The following H1-3 variants were observed in gnomAD, a reference collection of about 807,000 sequenced individuals.
The protein encoded by H1-3 is histone H1.3.
Under a neutral mutation model 3.6 loss-of-function variants are expected in H1-3, and 4 were observed. The ratio of observed to expected loss-of-function variants is 1.12; its 90% CI spans 0.55 to 2.57. The LOEUF (loss-of-function observed/expected upper bound fraction) is 2.57. Ranked by LOEUF, H1-3 falls within the 30% of genes most tolerant of loss-of-function variation. The pLI is 0.02. For missense variants in H1-3, 670 were observed against 274.3 expected (o/e 2.44, Z -10.19); for synonymous variants, 266 against 110.0 (o/e 2.42, Z -8.87).
At position 26,234,751 on chromosome 6, in the gene H1-3, G is replaced by A. The variant is rs368646122; in HGVS notation, c.183C>T (p.Ala61=). Residue 61 remains alanine (A), a synonymous_variant, in exon 1 of 1, where the codon GCC becomes GCT. Coordinates refer to ENST00000244534, the MANE Select transcript of H1-3 (RefSeq NM_005320.3). ...ASKERSGVSL[A]ALKKALAAAG... ...CAGCCGCAAGCGCTTTCTTAAGCGC[G>A]GCCAGAGAAACGCCGCTGCGCTCCT... 1.5e-5 allele frequency: 25 copies of A among 1,614,014 alleles called. No homozygotes were observed. The highest frequency in any genetic ancestry group is 2.7e-5 in the African/African-American group (2 of 74,922).
Position 26,234,717 on chromosome 6 carries a change from C to T in H1-3, c.217G>A (p.Asp73Asn), listed in dbSNP as rs1266069764. The change falls in exon 1 of 1, where the codon GAT becomes AAT. Residue 73 changes from aspartate to asparagine, a missense_variant. Transcript: ENST00000244534. ...ATACGGCTGTTGTTTTTTTCTACAT[C>T]GTAGCCAGCAGCCGCAAGCGCTTTC... is the stretch of plus-strand genomic sequence containing the variant. The part of the protein sequence containing the change: ...LKKALAAAGY[D>N]VEKNNSRIKL... 2 of 1,613,540 alleles carry T rather than the reference C, an allele frequency of 1.2e-6. No homozygotes were observed. The highest frequency in any genetic ancestry group is 1.7e-6 in the Non-Finnish European group (2 of 1,179,872).
rs752873353 is a variant in H1-3, at chr6:26,234,378, C to G, written c.556G>C (p.Ala186Pro). 3 of 1,594,832 alleles carry G rather than the reference C, an allele frequency of 1.9e-6. No homozygotes were observed. The highest frequency in any genetic ancestry group is 3.4e-5 in the Admixed American group (2 of 59,696). ...KKVKTPQPKK[A>P]AKSPAKAKAP... ...TTGGCCTTAGCTGGACTCTTGGCAG[C>G]TTTTTTTGGCTGAGGTGTTTTCACC... The change falls in exon 1 of 1, where the codon GCT becomes CCT. Residue 186 changes from alanine (A) to proline (P), a missense_variant. Transcript: ENST00000244534.
rs1442181422 is a variant in H1-3, at chr6:26,234,629, G to A, written c.305C>T (p.Ala102Val). Residue 102 changes from alanine to valine, a missense_variant, in exon 1 of 1, where the codon GCT becomes GTT. By Grantham distance (64) the Ala-to-Val change is moderately conservative. Coordinates refer to ENST00000244534, the MANE Select transcript of H1-3 (RefSeq NM_005320.3). ...CTTGTTGAGTTTGAAGGAGCCAGAA[G>A]CACCGGTACCTTTGGTCTGCACCAG... Reference protein sequence around the residue: ...GTLVQTKGTGASGSFKLNKKA... With the variant: ...GTLVQTKGTGVSGSFKLNKKA... The A allele has an allele frequency of 3.1e-6, 5 of 1,614,148 alleles. No individual in the cohort carries two copies. Among genetic ancestry groups the A allele is most frequent in the Non-Finnish European group, 2.5e-6 (3 of 1,180,010 alleles).
rs761671533 is a variant in H1-3 at position 26,234,338 on chromosome 6, T to G, written c.596A>C (p.Lys199Thr). The change falls in exon 1 of 1, where the codon AAG becomes ACG. Residue 199 changes from lysine (K) to threonine (T), a missense_variant. Physicochemically the swap from Lys to Thr is moderately conservative, Grantham distance 78 (BLOSUM62 -1). Coordinates refer to ENST00000244534, the MANE Select transcript of H1-3 (RefSeq NM_005320.3). ...CTTCCCCGACTTAGGCTTGGCCGCC[T>G]TGGGCTTAGGGGCTTTGGCCTTAGC... ...SPAKAKAPKPKAAKPKSGKPK... is the reference protein window; with the variant it reads ...SPAKAKAPKPTAAKPKSGKPK... The G allele has an allele frequency of 5.0e-6, 8 of 1,614,120 alleles. No homozygotes were observed. The highest frequency in any genetic ancestry group is 1.3e-5 in the African/African-American group (1 of 75,044).
rs767608650 is a variant in H1-3 at position 26,234,955 on chromosome 6, A to T, written c.-22T>A. ...ACATGTTTTTGTCTTCCCAGAAAAG[A>T]CAATAAGTAATCTCAAACTGTCAGA... On this transcript the variant is annotated 5_prime_UTR_variant, in exon 1 of 1. Coordinates refer to ENST00000244534, the MANE Select transcript of H1-3 (RefSeq NM_005320.3). The T allele has an allele frequency of 1.5e-5, 23 of 1,575,592 alleles. No individual in the cohort carries two copies. Among genetic ancestry groups the T allele is most frequent in the Non-Finnish European group, 2.0e-5 (23 of 1,164,122 alleles).
Position 26,234,285 on chromosome 6 carries a change from C to A in H1-3, c.649G>T (p.Ala217Ser), listed in dbSNP as rs756228409. ...CGCCAGTTTCACTTTTTCTTCGGAG[C>A]TGCCTTCTTTGCCTTTGTAACCTTC... Reference protein sequence around the residue: ...KPKVTKAKKAAPKKK With the variant: ...KPKVTKAKKASPKKK The change falls in exon 1 of 1, where the codon GCT becomes TCT. Residue 217 changes from alanine (A) to serine (S), a missense_variant. Transcript: ENST00000244534. 26 of 1,595,310 alleles carry A rather than the reference C, an allele frequency of 1.6e-5. No homozygotes were observed. The highest frequency in any genetic ancestry group is 8.5e-7 in the Non-Finnish European group (1 of 1,174,538).
At position 26,234,797 on chromosome 6, in the gene H1-3, G is replaced by A. The variant is rs375359922; in HGVS notation, c.137C>T (p.Thr46Ile). Residue 46 changes from threonine (T) to isoleucine (I), a missense_variant, in exon 1 of 1, where the codon ACC becomes ATC. Thr to Ile is a moderately conservative substitution (Grantham distance 89). Coordinates refer to ENST00000244534, the MANE Select transcript of H1-3 (RefSeq NM_005320.3). ...ASGPPVSELI[T>I]KAVAASKERS... ...CTCCTTAGAAGCTGCCACTGCCTTG[G>A]TGATAAGCTCAGATACTGGGGGTCC... is the stretch of plus-strand genomic sequence containing the variant. 5 of 1,614,104 alleles carry A rather than the reference G, an allele frequency of 3.1e-6. No individual in the cohort carries two copies. Among genetic ancestry groups the A allele is most frequent in the East Asian group, 2.2e-5 (1 of 44,892 alleles).
chr6:26,234,894 G>T lies in H1-3; in HGVS notation c.40C>A (p.Pro14Thr). 1 of 1,612,578 alleles carries T rather than the reference G, an allele frequency of 6.2e-7. No individual in the cohort carries two copies. Among genetic ancestry groups the T allele is most frequent in the Non-Finnish European group, 8.5e-7 (1 of 1,179,560 alleles). ...TTCTTCACAGGTGTTTTTTCTGCGG[G>T]TGCAGGAATGGTAGGAGCAAGTGGA... ...TAPLAPTIPA[P>T]AEKTPVKKKA... The change falls in exon 1 of 1, where the codon CCC becomes ACC. Residue 14 changes from proline (P) to threonine (T), a missense_variant. Coordinates refer to ENST00000244534, the MANE Select transcript of H1-3 (RefSeq NM_005320.3).
In H1-3 at chr6:26,234,328, C is replaced by A; in HGVS notation, c.606G>T (p.Lys202Asn). The part of the protein sequence containing the change: ...KAKAPKPKAA[K>N]PKSGKPKVTK... ...TAACCTTCGGCTTCCCCGACTTAGG[C>A]TTGGCCGCCTTGGGCTTAGGGGCTT... The change falls in exon 1 of 1, where the codon AAG (lysine) becomes AAT (asparagine). Residue 202 changes from lysine (K) to asparagine (N), a missense_variant. Lys to Asn is a moderately conservative substitution (Grantham distance 94). Coordinates refer to ENST00000244534, the MANE Select transcript of H1-3 (RefSeq NM_005320.3). 1 of 1,613,748 alleles carries A rather than the reference C, an allele frequency of 6.2e-7. No homozygotes were observed. Among genetic ancestry groups the A allele is most frequent in the Non-Finnish European group, 8.5e-7 (1 of 1,179,918 alleles).
chr6:26,234,779 G>C lies in H1-3; in HGVS notation c.155C>G (p.Ser52Cys). ...SELITKAVAA[S>C]KERSGVSLAA... ...CAGAGAAACGCCGCTGCGCTCCTTA[G>C]AAGCTGCCACTGCCTTGGTGATAAG... The change falls in exon 1 of 1, where the codon TCT becomes TGT. Residue 52 changes from serine to cysteine, a missense_variant. Transcript: ENST00000244534. 6.2e-7 allele frequency: 1 copy of C among 1,614,240 alleles called. No individual in the cohort carries two copies. The highest frequency in any genetic ancestry group is 1.1e-5 in the South Asian group (1 of 91,088).
rs754685755 is a variant in H1-3, at chr6:26,234,501, C to T, written c.433G>A (p.Ala145Thr). ...AAKKPKKVAG[A>T]ATPKKSIKKT... ...TTGATGCTTTTCTTCGGGGTAGCGG[C>T]GCCAGCCACCTTCTTGGGCTTCTTG... The change falls in exon 1 of 1, where the codon GCC (alanine) becomes ACC (threonine). Residue 145 changes from alanine (A) to threonine (T), a missense_variant. Coordinates refer to ENST00000244534, the MANE Select transcript of H1-3 (RefSeq NM_005320.3). 5.6e-6 allele frequency: 9 copies of T among 1,613,860 alleles called. No homozygotes were observed. In the East Asian group the frequency reaches 1.1e-4, roughly 20 times the overall value.
At position 26,234,969 on chromosome 6, in the gene H1-3, C is replaced by T. The variant is rs779975489; in HGVS notation, c.-36G>A. On this transcript the variant is annotated 5_prime_UTR_variant, in exon 1 of 1. Coordinates refer to ENST00000244534, the MANE Select transcript of H1-3 (RefSeq NM_005320.3). ...TCCCAGAAAAGACAATAAGTAATCT[C>T]AAACTGTCAGAACAGCATGTCCTCT... The T allele has an allele frequency of 2.6e-6, 4 of 1,555,350 alleles. No homozygotes were observed. Among genetic ancestry groups the T allele is most frequent in the South Asian group, 2.4e-5 (2 of 81,718 alleles).
Position 26,234,930 on chromosome 6 carries a change from A to C in H1-3, c.4T>G (p.Ser2Ala). 2 of 1,598,288 alleles carry C rather than the reference A, an allele frequency of 1.3e-6. No homozygotes were observed. The highest frequency in any genetic ancestry group is 1.7e-6 in the Non-Finnish European group (2 of 1,174,526). The change falls in exon 1 of 1, where the codon TCG (serine) becomes GCG (alanine). Residue 2 changes from serine to alanine, a missense_variant. Coordinates refer to ENST00000244534, the MANE Select transcript of H1-3 (RefSeq NM_005320.3). ...GTAGGAGCAAGTGGAGCAGTCTCCG[A>C]CATGTTTTTGTCTTCCCAGAAAAGA... Reference protein sequence around the residue: MSETAPLAPTIP... With the variant: MAETAPLAPTIP...
In H1-3 at chr6:26,234,343, C is replaced by T. The variant is rs1168718516; in HGVS notation, c.591G>A (p.Lys197=). 9.3e-6 allele frequency: 15 copies of T among 1,614,090 alleles called. 1 individual carries two copies. Among genetic ancestry groups the T allele is most frequent in the South Asian group, 4.4e-5 (4 of 91,090 alleles). ...AKSPAKAKAP[K]PKAAKPKSGK... ...CCGACTTAGGCTTGGCCGCCTTGGG[C>T]TTAGGGGCTTTGGCCTTAGCTGGAC... is the stretch of plus-strand genomic sequence containing the variant. The change falls in exon 1 of 1, where the codon AAG becomes AAA. Residue 197 remains lysine, a synonymous_variant. Transcript: ENST00000244534.
Position 26,234,277 on chromosome 6 carries a change from C to A in H1-3, c.657G>T (p.Lys219Asn), listed in dbSNP as rs757014060. Reference sequence around the variant, plus strand: ...GAACGTCCCGCCAGTTTCACTTTTTCTTCGGAGCTGCCTTCTTTGCCTTTG... The same window carrying A: ...GAACGTCCCGCCAGTTTCACTTTTTATTCGGAGCTGCCTTCTTTGCCTTTG... ...KVTKAKKAAP[K>N]KK Residue 219 changes from lysine (K) to asparagine (N), a missense_variant, in exon 1 of 1, where the codon AAG becomes AAT. By Grantham distance (94) the Lys-to-Asn change is moderately conservative. Coordinates refer to ENST00000244534, the MANE Select transcript of H1-3 (RefSeq NM_005320.3). 1 of 1,584,612 alleles carries A rather than the reference C, an allele frequency of 6.3e-7. No individual in the cohort carries two copies. Among genetic ancestry groups the A allele is most frequent in the Non-Finnish European group, 8.5e-7 (1 of 1,171,052 alleles).
At position 26,234,361 on chromosome 6, in the gene H1-3, A is replaced by G; in HGVS notation, c.573T>C (p.Ala191=). 6.2e-7 allele frequency: 1 copy of G among 1,614,222 alleles called. No homozygotes were observed. Residue 191 remains alanine (A), a synonymous_variant, in exon 1 of 1, where the codon GCT becomes GCC. Coordinates refer to ENST00000244534, the MANE Select transcript of H1-3 (RefSeq NM_005320.3). ...PQPKKAAKSP[A]KAKAPKPKAA... ...CCTTGGGCTTAGGGGCTTTGGCCTT[A>G]GCTGGACTCTTGGCAGCTTTTTTTG...
Position 26,234,572 on chromosome 6 carries a change from G to C in H1-3, c.362C>G (p.Ala121Gly), listed in dbSNP as rs549847001. The change falls in exon 1 of 1, where the codon GCC (alanine) becomes GGC (glycine). Residue 121 changes from alanine to glycine, a missense_variant. Transcript: ENST00000244534. ...KAASGEGKPKAKKAGAAKPRK... is the reference protein window; with the variant it reads ...KAASGEGKPKGKKAGAAKPRK... ...AGGCTTGGCTGCGCCAGCCTTTTTGGCCTTGGGTTTGCCTTCCCCGGAAGC... is the reference window on the plus strand; with the variant it reads ...AGGCTTGGCTGCGCCAGCCTTTTTGCCCTTGGGTTTGCCTTCCCCGGAAGC... 1.2e-6 allele frequency: 2 copies of C among 1,613,190 alleles called. No homozygotes were observed. Among genetic ancestry groups the C allele is most frequent in the Admixed American group, 1.7e-5 (1 of 59,816 alleles).
Position 26,234,771 on chromosome 6 carries a change from GCTC to G in H1-3, c.160_162del (p.Glu54del). On this transcript the variant is annotated inframe_deletion, in exon 1 of 1. Transcript: ENST00000244534. ...AGCGCGGCCAGAGAAACGCCGCTGC[GCTC>G]CTTAGAAGCTGCCACTGCCTTGGTG... The G allele has an allele frequency of 6.2e-7, 1 of 1,614,212 alleles. No homozygotes were observed. The highest frequency in any genetic ancestry group is 8.5e-7 in the Non-Finnish European group (1 of 1,180,036).
rs768101896 is a variant in H1-3, at chr6:26,234,703, G to A, written c.231C>T (p.Asn77=). The change falls in exon 1 of 1, where the codon AAC becomes AAT. Residue 77 remains asparagine, a synonymous_variant. Transcript: ENST00000244534. ...TGAGGCCAAGCTTGATACGGCTGTT[G>A]TTTTTTTCTACATCGTAGCCAGCAG... The part of the protein sequence containing the change: ...LAAAGYDVEK[N]NSRIKLGLKS... 9.3e-6 allele frequency: 15 copies of A among 1,613,690 alleles called. No homozygotes were observed. The Admixed American group carries it at 2.5e-4, about 27-fold the overall frequency.
Sources: gnomAD v4.1 joint callset for allele counts on GRCh38, gnomAD v4.1.1 for gene constraint, MANE v1.5 for transcripts, NCBI Gene and HGNC (gene_info 2026-07-23, HGNC 2026-07-21) for gene names.